DEUP1: variants seen among roughly 807,000 people sequenced by gnomAD.
The protein encoded by DEUP1 is deuterosome assembly protein 1.
Under a neutral mutation model 87.4 loss-of-function variants are expected in DEUP1, and 82 were observed. That is an observed-to-expected ratio of 0.94 (90% CI 0.78 to 1.13). The LOEUF (loss-of-function observed/expected upper bound fraction) is 1.13. DEUP1 is among the 50% of genes most tolerant of loss of function. The pLI, the probability that DEUP1 is intolerant of heterozygous loss-of-function variation, is 0.00. For missense variants in DEUP1, 663 were observed against 681.5 expected (o/e 0.97, Z 0.30); for synonymous variants, 214 against 222.7 (o/e 0.96, Z 0.35).
At chr11:93,435,612 A>C (rs2134520933) in intron 13 of DEUP1, among the ~76,000 whole-genome samples, 1 of 152,234 alleles carries the variant, frequency 6.6e-6, no homozygotes, top group African/African-American at 2.4e-5. Context: ...GGGATCTACC[A>C]AGTTATTTGA....
chr11:93,434,032 G>A (rs1263397054), intron 13 of DEUP1, among the ~76,000 whole-genome samples: 2 of 152,164 alleles, frequency 1.3e-5, no homozygotes, highest in Non-Finnish European at 2.9e-5. Flanking sequence ...GCTGTGAGCT[G>A]TTAGTAGCCA....
intron 13 of DEUP1, among the ~76,000 whole-genome samples, chr11:93,431,200 G>A (rs189402764): frequency 6.6e-6 from 1 of 152,110 alleles, no homozygotes; most frequent in Admixed American, 6.5e-5. Flanking sequence ...AAAGTATGGG[G>A]GATTACTTTA....
intron 2 of DEUP1, among the ~76,000 whole-genome samples, chr11:93,349,085 C>CGCA (rs1944502868): frequency 6.6e-6 from 1 of 152,032 alleles, no homozygotes; most frequent in South Asian, 2.1e-4. Flanking sequence ...TTTGAAAGCC[C>CGCA]GCATATATTC....
chr11:93,395,938 C>T (rs1211348149), intron 10 of DEUP1, among the ~76,000 whole-genome samples: 2 of 152,128 alleles, frequency 1.3e-5, no homozygotes, highest in Non-Finnish European at 2.9e-5. Context: ...TTTCTGGTGA[C>T]AATTTGCATA....
intron 2 of DEUP1, among the ~76,000 whole-genome samples, chr11:93,340,448 C>A (rs1253576059): frequency 6.6e-6 from 1 of 152,162 alleles, no homozygotes; most frequent in African/African-American, 2.4e-5. Flanking sequence ...AGGGCCAAGT[C>A]CTGAAGGGCC....
chr11:93,405,370 C>T (rs2134405960), intron 11 of DEUP1, among the ~76,000 whole-genome samples: 2 of 152,008 alleles, frequency 1.3e-5, no homozygotes, highest in Admixed American at 1.3e-4. Context: ...GCATTTATGC[C>T]TCTCAAAAAG....
intron 13 of DEUP1, among the ~76,000 whole-genome samples, chr11:93,416,579 C>A (rs558215889): frequency 1.2e-4 from 18 of 151,876 alleles, no homozygotes; most frequent in Middle Eastern, 3.4e-3. Flanking sequence ...GATGGATTCA[C>A]AGCCAAATTC....
At chr11:93,374,619 A>G (rs903263866) in intron 7 of DEUP1, among the ~76,000 whole-genome samples, 3 of 152,040 alleles carry the variant, frequency 2.0e-5, no homozygotes, top group Non-Finnish European at 2.9e-5. Context: ...TGGGTTCTCT[A>G]TTGTGTTCCA....
intron 13 of DEUP1, among the ~76,000 whole-genome samples, chr11:93,416,563 G>C (rs1947638142): frequency 6.6e-6 from 1 of 151,634 alleles, no homozygotes; most frequent in African/African-American, 2.4e-5. Flanking sequence ...AAAGAGTCCA[G>C]GACCAGATGG....
chr11:93,390,838 C>T (rs1946742596), intron 9 of DEUP1, among the ~76,000 whole-genome samples: 1 of 152,112 alleles, frequency 6.6e-6, no homozygotes, highest in African/African-American at 2.4e-5. Context: ...AATTCCAGCA[C>T]TTTGGGAGGC....
At chr11:93,410,565 C>T (rs1024913945) in intron 12 of DEUP1, among the ~76,000 whole-genome samples, 1 of 152,116 alleles carries the variant, frequency 6.6e-6, no homozygotes, top group Admixed American at 6.6e-5. Flanking sequence ...CCATGAAGAA[C>T]ACTATAAAGG....
At position 93,382,817 on chromosome 11, in the gene DEUP1, T is replaced by C. The variant is rs117757018; in HGVS notation, c.790-2581T>C. ...GTAATCTATTGTTTTGCATTTCTTTTATTATTGAAATGTTTAATCTTGCCT... is the reference window on the plus strand; with the variant it reads ...GTAATCTATTGTTTTGCATTTCTTTCATTATTGAAATGTTTAATCTTGCCT... On this transcript the variant is annotated intron_variant, in intron 7 of 13. Transcript: ENST00000298050. Among the ~76,000 whole-genome samples the C allele has an allele frequency of 6.1e-3, 931 of 152,344 alleles. 8 individuals carry two copies. Among genetic ancestry groups the C allele is most frequent in the South Asian group, 0.028 (133 of 4,828 alleles).
intron 4 of DEUP1, among the ~76,000 whole-genome samples, chr11:93,362,470 A>G (rs1424969013): frequency 1.3e-4 from 19 of 151,972 alleles, no homozygotes; most frequent in Non-Finnish European, 2.1e-4. Context: ...GCTTAACATC[A>G]TTAGTCATTA....
chr11:93,428,638 T>C (rs538145602), intron 13 of DEUP1, among the ~76,000 whole-genome samples: 2 of 151,698 alleles, frequency 1.3e-5, no homozygotes, highest in African/African-American at 2.4e-5. Context: ...AACCATCACA[T>C]GTTTTAAGTG....
At position 93,371,206 on chromosome 11, in the gene DEUP1, C is replaced by T; in HGVS notation, c.715C>T (p.Leu239=). 6.2e-7 allele frequency: 1 copy of T among 1,612,956 alleles called. No individual in the cohort carries two copies. The highest frequency in any genetic ancestry group is 1.1e-5 in the South Asian group (1 of 90,898). Residue 239 remains leucine, a synonymous_variant, in exon 7 of 14, where the codon CTA becomes TTA. Coordinates refer to ENST00000298050, the MANE Select transcript of DEUP1 (RefSeq NM_181645.4). ...GAAATCAGCTGTAAATGAGATAGCA[C>T]TAAGCAGGAATAAATTACAAGATGA... ...KLKSAVNEIA[L]SRNKLQDENQ...
intron 13 of DEUP1, among the ~76,000 whole-genome samples, chr11:93,436,397 C>T (rs115068571): frequency 1.3e-4 from 20 of 152,152 alleles, no homozygotes; most frequent in African/African-American, 4.8e-4. Flanking sequence ...ATATTGTTGG[C>T]CACCACATGT....
At chr11:93,427,031 A>T (rs1404904167) in intron 13 of DEUP1, among the ~76,000 whole-genome samples, 1 of 8,102 alleles carries the variant, frequency 1.2e-4, no homozygotes, top group African/African-American at 5.5e-4. Context: ...AAAAAAAAAA[A>T]GAAAATGGCC....
chr11:93,404,938 A>C (rs1420450073), intron 11 of DEUP1, among the ~76,000 whole-genome samples: 1 of 152,070 alleles, frequency 6.6e-6, no homozygotes, highest in African/African-American at 2.4e-5. Context: ...ACATGCAAAT[A>C]CATTACCTGT....
intron 13 of DEUP1, among the ~76,000 whole-genome samples, chr11:93,433,761 G>C (rs563553331): frequency 1.3e-5 from 2 of 152,306 alleles, no homozygotes; most frequent in South Asian, 4.1e-4. Context: ...AAGGAGACAG[G>C]CTAGGGAAGG....
Sources: allele counts gnomAD v4.1 joint callset (sites outside exome capture counted in the v4.1 genomes callset), GRCh38; gene constraint gnomAD v4.1.1; transcripts MANE v1.5; gene names NCBI Gene and HGNC (gene_info 2026-07-23, HGNC 2026-07-21).